CCDC110: variants seen among roughly 807,000 people sequenced by gnomAD.
The protein encoded by CCDC110 is coiled-coil domain containing 110, also known as coiled-coil domain-containing protein 110.
CCDC110 carries 70 observed loss-of-function variants against 77.1 expected under a neutral mutation model. The ratio of observed to expected loss-of-function variants is 0.91; its 90% CI spans 0.75 to 1.11. The LOEUF is 1.11. Among genes scored for constraint, CCDC110 ranks in the 50% least tolerant of loss-of-function variants. The probability of loss-of-function intolerance (pLI) is 0.00; values close to 1 mark genes in which losing one functional copy is unlikely to be tolerated. For missense variants in CCDC110, 868 were observed against 942.9 expected (o/e 0.92, Z 1.04); for synonymous variants, 295 against 312.5 (o/e 0.94, Z 0.59).
Position 185,459,429 on chromosome 4 carries a change from G to T in CCDC110, c.1158C>A (p.Asp386Glu), listed in dbSNP as rs1292168856. The part of the protein sequence containing the change: ...RVPRYTLSFL[D>E]QTKHEMKDKE... ...TGTCTTTCATTTCATGTTTTGTTTGGTCGAGGAAGGACAGTGTGTATCTTG... is the reference window on the plus strand; with the variant it reads ...TGTCTTTCATTTCATGTTTTGTTTGTTCGAGGAAGGACAGTGTGTATCTTG... Residue 386 changes from aspartate to glutamate, a missense_variant, in exon 6 of 7, where the codon GAC (aspartate) becomes GAA (glutamate). By Grantham distance (45) the Asp-to-Glu change is conservative. Coordinates refer to ENST00000307588, the MANE Select transcript of CCDC110 (RefSeq NM_152775.4). The T allele has an allele frequency of 6.2e-7, 1 of 1,612,854 alleles. No individual in the cohort carries two copies. The highest frequency in any genetic ancestry group is 2.2e-5 in the East Asian group (1 of 44,802).
intron 6 of CCDC110, among the ~76,000 whole-genome samples, chr4:185,448,459 G>A (rs2095621201): frequency 6.6e-6 from 1 of 152,088 alleles, no homozygotes; most frequent in African/African-American, 2.4e-5. Flanking sequence ...TGACAATTTT[G>A]TGGCATAAGT....
chr4:185,450,017 TTC>T (rs771352652), intron 6 of CCDC110, among the ~76,000 whole-genome samples: 15 of 152,190 alleles, frequency 9.9e-5, no homozygotes, highest in Non-Finnish European at 1.9e-4. Flanking sequence ...TTGCTGTTTC[TTC>T]TCAGAAGTAT....
chr4:185,463,784 C>G (rs925329230), intron 2 of CCDC110, among the ~76,000 whole-genome samples: 1 of 152,280 alleles, frequency 6.6e-6, no homozygotes, highest in Admixed American at 6.5e-5. Context: ...ATAGATGGGC[C>G]AGAAGGGGCC....
chr4:185,461,209 G>GA, intron 4 of CCDC110, 50 bp from the exon 5 acceptor site: 1 of 886,362 alleles, frequency 1.1e-6, no homozygotes, highest in Non-Finnish European at 1.8e-6. Flanking sequence ...GTAAACTTAT[G>GA]AATGTACAGG....
At chr4:185,467,594 A>C (rs1392313030) in intron 2 of CCDC110, among the ~76,000 whole-genome samples, 1 of 152,178 alleles carries the variant, frequency 6.6e-6, no homozygotes, top group African/African-American at 2.4e-5. Context: ...ATTCAACTTA[A>C]ATTTTCCAGC....
rs1217463691 is a variant in CCDC110, at chr4:185,459,522, C to A, written c.1065G>T (p.Glu355Asp). 3 of 1,612,794 alleles carry A rather than the reference C, an allele frequency of 1.9e-6. No homozygotes were observed. In the African/African-American group the frequency reaches 4.0e-5, roughly 22 times the overall value. Residue 355 changes from glutamate to aspartate, a missense_variant, in exon 6 of 7, where the codon GAG becomes GAT. Coordinates refer to ENST00000307588, the MANE Select transcript of CCDC110 (RefSeq NM_152775.4). ...KSEMHRGKKN[E>D]KNNKEIPITG... ...TGATGGGAATTTCTTTATTGTTTTT[C>A]TCATTTTTCTTTCCCCTGTGCATTT... is the stretch of plus-strand genomic sequence containing the variant.
chr4:185,456,279 A>G (rs917959817), intron 6 of CCDC110, among the ~76,000 whole-genome samples: 1 of 152,252 alleles, frequency 6.6e-6, no homozygotes. Flanking sequence ...TCACAAGTGA[A>G]AAAGAAAGTA....
chr4:185,454,941 C>T (rs1161140382), intron 6 of CCDC110, among the ~76,000 whole-genome samples: 4 of 151,986 alleles, frequency 2.6e-5, no homozygotes, highest in Non-Finnish European at 5.9e-5. Context: ...TTTGTCTAAA[C>T]TTCTTGATAC....
Position 185,471,665 on chromosome 4 carries a change from A to C in CCDC110, c.10+9T>G, listed in dbSNP as rs1484359746. The C allele has an allele frequency of 6.4e-7, 1 of 1,560,384 alleles. No homozygotes were observed. The highest frequency in any genetic ancestry group is 1.4e-5 in the African/African-American group (1 of 70,306). On this transcript the variant is annotated intron_variant, in intron 1 of 6. Transcript: ENST00000307588. Reference sequence around the variant, plus strand: ...CTCCCCTAGGAGCCCCGCCCCGTCCAACTCTTACCCGGGCTCATCGCCGCG... The same window carrying C: ...CTCCCCTAGGAGCCCCGCCCCGTCCCACTCTTACCCGGGCTCATCGCCGCG...
chr4:185,446,897 C>T (rs564904068), intron 6 of CCDC110, among the ~76,000 whole-genome samples: 1 of 152,136 alleles, frequency 6.6e-6, no homozygotes, highest in Non-Finnish European at 1.5e-5. Flanking sequence ...GTGGCTATAA[C>T]CTGCTTTCCT....
intron 2 of CCDC110, chr4:185,470,467 C>T: frequency 2.9e-6 from 1 of 341,814 alleles, no homozygotes; most frequent in Non-Finnish European, 5.8e-6. Flanking sequence ...AATTTTCCCC[C>T]CTGAATATTT....
chr4:185,459,133 T>C lies in CCDC110; in HGVS notation c.1454A>G (p.Glu485Gly). 1 of 1,598,178 alleles carries C rather than the reference T, an allele frequency of 6.3e-7. No homozygotes were observed. The highest frequency in any genetic ancestry group is 8.5e-7 in the Non-Finnish European group (1 of 1,170,580). ...TYEKQLKNLV[E>G]EKSTIQSKLS... ...CTTAGACTGAATAGTACTCTTTTCT[T>C]CAACCAGATTCTTAAGTTGCTTTTC... The change falls in exon 6 of 7, where the codon GAA becomes GGA. Residue 485 changes from glutamate to glycine, a missense_variant. Glu to Gly is a moderately conservative substitution (Grantham distance 98). Transcript: ENST00000307588.
chr4:185,466,745 A>ATT (rs113678345), intron 2 of CCDC110, among the ~76,000 whole-genome samples: 1,649 of 146,602 alleles, frequency 0.011, 34 homozygotes, highest in African/African-American at 0.039. Flanking sequence ...AAGAGAAGGA[A>ATT]TTTTTTTTTT....
intron 2 of CCDC110, among the ~76,000 whole-genome samples, chr4:185,466,375 AAAAT>A (rs1465198204): frequency 7.2e-5 from 11 of 151,992 alleles, no homozygotes; most frequent in Non-Finnish European, 1.2e-4. Flanking sequence ...AACTCCATCT[AAAAT>A]AAATAAATAA....
chr4:185,459,496 G>A lies in CCDC110; in HGVS notation c.1091C>T (p.Thr364Ile). 1 of 1,613,590 alleles carries A rather than the reference G, an allele frequency of 6.2e-7. No homozygotes were observed. The highest frequency in any genetic ancestry group is 8.5e-7 in the Non-Finnish European group (1 of 1,179,724). Residue 364 changes from threonine (T) to isoleucine (I), a missense_variant, in exon 6 of 7, where the codon ACT (threonine) becomes ATT (isoleucine). Coordinates refer to ENST00000307588, the MANE Select transcript of CCDC110 (RefSeq NM_152775.4). ...TTTTAAATCTGTAATATTTTTGCCAGTGATGGGAATTTCTTTATTGTTTTT... is the reference window on the plus strand; with the variant it reads ...TTTTAAATCTGTAATATTTTTGCCAATGATGGGAATTTCTTTATTGTTTTT... ...NEKNNKEIPITGKNITDLKFH... is the reference protein window; with the variant it reads ...NEKNNKEIPIIGKNITDLKFH...
At chr4:185,451,999 TGG>T (rs909925069) in intron 6 of CCDC110, among the ~76,000 whole-genome samples, 1 of 152,194 alleles carries the variant, frequency 6.6e-6, no homozygotes, top group Non-Finnish European at 1.5e-5. Context: ...AAACCAGTAA[TGG>T]GAATAGTGAA....
chr4:185,459,544 A>G lies in CCDC110; in HGVS notation c.1043T>C (p.Met348Thr), dbSNP rs1216624348. The change falls in exon 6 of 7, where the codon ATG becomes ACG. Residue 348 changes from methionine (M) to threonine (T), a missense_variant. Met to Thr is a moderately conservative substitution (Grantham distance 81, BLOSUM62 -1). Coordinates refer to ENST00000307588, the MANE Select transcript of CCDC110 (RefSeq NM_152775.4). Reference protein sequence around the residue: ...RKCKKLSKSEMHRGKKNEKNN... With the variant: ...RKCKKLSKSETHRGKKNEKNN... ...TTTCTCATTTTTCTTTCCCCTGTGC[A>G]TTTCACTCTTAGATAACTTTTTACA... 2 of 1,613,080 alleles carry G rather than the reference A, an allele frequency of 1.2e-6. No individual in the cohort carries two copies.
chr4:185,463,114 T>G, intron 2 of CCDC110, 65 bp from the exon 3 acceptor site: 2 of 1,253,128 alleles, frequency 1.6e-6, no homozygotes, highest in Non-Finnish European at 2.3e-6. Context: ...AAACCTGTAA[T>G]AGAAAGCAGT....
At position 185,459,441 on chromosome 4, in the gene CCDC110, CAG is replaced by C; in HGVS notation, c.1144_1145del (p.Leu382ValfsTer9). The C allele has an allele frequency of 6.2e-7, 1 of 1,613,230 alleles. No individual in the cohort carries two copies. Among genetic ancestry groups the C allele is most frequent in the Non-Finnish European group, 8.5e-7 (1 of 1,179,422 alleles). On this transcript the variant is annotated frameshift_variant, in exon 6 of 7. Coordinates refer to ENST00000307588, the MANE Select transcript of CCDC110 (RefSeq NM_152775.4). LOFTEE classifies it high-confidence loss of function. ...KFHSRVPRYT[L>X]SFLDQTKHEM... is the part of the protein sequence containing the mutation. ...CATGTTTTGTTTGGTCGAGGAAGGA[CAG>C]TGTGTATCTTGGAACTCTGGAATGG... is the stretch of plus-strand genomic sequence containing the variant.
Sources: gnomAD v4.1 joint callset for allele counts (sites outside exome capture counted in the v4.1 genomes callset) on GRCh38, gnomAD v4.1.1 for gene constraint, MANE v1.5 for transcripts, NCBI Gene and HGNC (gene_info 2026-07-23, HGNC 2026-07-21) for gene names.